Variants in FNDC1 observed in about 807,000 individuals in gnomAD.
FNDC1 encodes fibronectin type III domain containing 1.
Under a neutral mutation model 168.0 loss-of-function variants are expected in FNDC1, and 96 were observed. The ratio of observed to expected loss-of-function variants is 0.57; its 90% CI spans 0.48 to 0.68. FNDC1 has a LOEUF of 0.68. Among genes scored for constraint, FNDC1 ranks in the 30% least tolerant of loss-of-function variants. FNDC1 has a pLI of 0.00. For synonymous variants in FNDC1, 1,099 were observed against 1,025.9 expected, an observed-to-expected ratio of 1.07 and a Z score of -1.36; for missense variants, 2,587 against 2,482.1, an observed-to-expected ratio of 1.04 and a Z score of -0.90.
intron 14 of FNDC1, among the ~76,000 whole-genome samples, chr6:159,245,719 A>G (rs972952571): frequency 6.6e-6 from 1 of 151,954 alleles, no homozygotes; most frequent in South Asian, 2.1e-4. Flanking sequence ...TATGCTCATA[A>G]TATCAGTTTA....
chr6:159,270,413 A>G (rs1030566191), intron 22 of FNDC1, among the ~76,000 whole-genome samples: 3 of 152,158 alleles, frequency 2.0e-5, no homozygotes, highest in East Asian at 1.9e-4. Context: ...AAATCTACAA[A>G]CTATATCACC....
Position 159,232,046 on chromosome 6 carries a change from A to C in FNDC1, c.1534A>C (p.Lys512Gln). ...GGACCTTCTTCTTGACTTGAAGAAC[A>C]AAATATTGGCTAATGGTGGGGCGCC... ...AKDLLLDLKN[K>Q]ILANGGAPRK... The change falls in exon 11 of 23, where the codon AAA becomes CAA. Residue 512 changes from lysine to glutamine, a missense_variant. Lys to Gln is a moderately conservative substitution (Grantham distance 53, BLOSUM62 1). Transcript: ENST00000297267. This position sits in a 1 kb window ranked among gnomAD's most constrained non-coding sequence, Gnocchi z 4.9. The C allele has an allele frequency of 3.7e-6, 6 of 1,613,894 alleles. No homozygotes were observed. Among genetic ancestry groups the C allele is most frequent in the Non-Finnish European group, 5.1e-6 (6 of 1,179,846 alleles).
At position 159,229,864 on chromosome 6, in the gene FNDC1, C is replaced by T; in HGVS notation, c.1230C>T (p.Ser410=). ...CTCTCAAACCATTTGGAGCAAAGTC[C>T]CTCACCTATCCTGGAGACACTACTT... ...APALKPFGAK[S]LTYPGDTTSA... Residue 410 remains serine, a synonymous_variant, in exon 10 of 23, where the codon TCC becomes TCT. Transcript: ENST00000297267. 6.2e-7 allele frequency: 1 copy of T among 1,613,768 alleles called. No homozygotes were observed.
chr6:159,267,187 A>G (rs1265231479), intron 21 of FNDC1, among the ~76,000 whole-genome samples: 1 of 152,134 alleles, frequency 6.6e-6, no homozygotes, highest in East Asian at 1.9e-4. Context: ...ATTTCTGTGT[A>G]TATGCTTCTC....
At chr6:159,260,293 G>T (rs1777456783) in intron 18 of FNDC1, among the ~76,000 whole-genome samples, 1 of 152,176 alleles carries the variant, frequency 6.6e-6, no homozygotes. Flanking sequence ...ACACAAATGT[G>T]GTGTTGGTCT....
Position 159,200,377 on chromosome 6 carries a change from G to A in FNDC1, c.392-136G>A, listed in dbSNP as rs951990900. 5.7e-6 allele frequency: 4 copies of A among 705,978 alleles called. No homozygotes were observed. In the Admixed American group the frequency reaches 1.1e-4, roughly 20 times the overall value. The allele number at this position is 705,978 out of a possible 1,614,324, so 43.7% of individuals were successfully genotyped here. On this transcript the variant is annotated intron_variant, in intron 3 of 22. Transcript: ENST00000297267. Reference sequence around the variant, plus strand: ...ATTGTCCGTAAAGCTGAGGTGTCCAGTCACTAATATGGGCTGAGCAGATCC... The same window carrying A: ...ATTGTCCGTAAAGCTGAGGTGTCCAATCACTAATATGGGCTGAGCAGATCC...
chr6:159,169,692 G>C lies in FNDC1; in HGVS notation c.96G>C (p.Ser32=). ...LLAALLPVAS[S]AAASVDHPLK... is the part of the protein sequence containing the mutation. ...CCGCGCTGCTCCCCGTCGCCTCCTC[G>C]GCGGCGGCCTCAGGTACGCGCCGCG... The change falls in exon 1 of 23, where the codon TCG becomes TCC. Residue 32 remains serine, a synonymous_variant. Transcript: ENST00000297267. This position sits in a 1 kb window ranked among gnomAD's most constrained non-coding sequence, Gnocchi z 6.8. 1.7e-6 allele frequency: 2 copies of C among 1,160,030 alleles called. No individual in the cohort carries two copies. Among genetic ancestry groups the C allele is most frequent in the Non-Finnish European group, 2.1e-6 (2 of 941,942 alleles). 71.9% of individuals were successfully genotyped at this position (1,160,030 alleles called of 1,614,324 possible).
chr6:159,227,772 G>A (rs1464476825), intron 9 of FNDC1, among the ~76,000 whole-genome samples: 1 of 151,590 alleles, frequency 6.6e-6, no homozygotes, highest in East Asian at 1.9e-4. Context: ...AATTGTCTTG[G>A]GCCACGCATA....
chr6:159,237,503 A>G (rs2114998284), intron 12 of FNDC1, among the ~76,000 whole-genome samples: 1 of 152,352 alleles, frequency 6.6e-6, no homozygotes, highest in Non-Finnish European at 1.5e-5. Context: ...TTCAAGTTTT[A>G]CAGTTCCTTA....
intron 21 of FNDC1, among the ~76,000 whole-genome samples, 164 bp from the exon 22 acceptor site, chr6:159,267,640 G>A (rs1171113735): frequency 1.3e-5 from 2 of 152,086 alleles, no homozygotes; most frequent in African/African-American, 4.8e-5. Flanking sequence ...CAACCTTTAT[G>A]AGATTGGTGC....
intron 18 of FNDC1, among the ~76,000 whole-genome samples, chr6:159,258,208 G>A (rs553902425): frequency 2.7e-3 from 408 of 152,252 alleles, no homozygotes; most frequent in Middle Eastern, 6.8e-3. Context: ...CTTCCTGAGC[G>A]CAAGGTGGAA....
intron 5 of FNDC1, 46 bp from the exon 6 acceptor site, chr6:159,221,552 T>C: frequency 6.7e-7 from 1 of 1,484,878 alleles, no homozygotes; most frequent in South Asian, 1.1e-5. Flanking sequence ...TGTGTGTTCC[T>C]GAGAAATGGA....
At chr6:159,226,405 A>G (rs1192479073) in intron 8 of FNDC1, 68 bp from the exon 9 acceptor site, 3 of 1,207,510 alleles carry the variant, frequency 2.5e-6, no homozygotes, top group Middle Eastern at 2.4e-4. Context: ...CCTAGAGACC[A>G]TGTGCTATTT....
At chr6:159,230,044 A>C (rs1319160787) in intron 10 of FNDC1, 41 bp downstream of exon 10, 2 of 1,540,108 alleles carry the variant, frequency 1.3e-6, no homozygotes. Context: ...CTCTCTCTTC[A>C]TTCCTGCTGT....
chr6:159,220,656 T>C (rs1452512712), intron 5 of FNDC1, among the ~76,000 whole-genome samples: 1 of 152,232 alleles, frequency 6.6e-6, no homozygotes, highest in African/African-American at 2.4e-5. Flanking sequence ...TATGATTCCA[T>C]AGTAATTGAG....
chr6:159,265,442 G>T (rs558422707), intron 20 of FNDC1, among the ~76,000 whole-genome samples: 57 of 152,280 alleles, frequency 3.7e-4, no homozygotes, highest in African/African-American at 1.3e-3. Flanking sequence ...CTGGGGACAG[G>T]ATGGCATGCC....
In FNDC1 at chr6:159,263,127, C is replaced by T. The variant is rs376376685; in HGVS notation, c.5255-1848C>T. Among the ~76,000 whole-genome samples, 178 of 152,312 alleles carry T rather than the reference C, an allele frequency of 1.2e-3. 4 individuals are homozygous for T. Among genetic ancestry groups the T allele is most frequent in the African/African-American group, 4.2e-3 (174 of 41,554 alleles). ...TGGTGTCATTTTGTTTGTTTCACTC[C>T]ACCTGCCCTGGGGTATTTGGGACTT... is the stretch of plus-strand genomic sequence containing the variant. On this transcript the variant is annotated intron_variant, in intron 19 of 22. Coordinates refer to ENST00000297267, the MANE Select transcript of FNDC1 (RefSeq NM_032532.3).
chr6:159,191,326 T>C (rs551728354), intron 1 of FNDC1, among the ~76,000 whole-genome samples: 58 of 152,324 alleles, frequency 3.8e-4, no homozygotes, highest in South Asian at 1.4e-3. Context: ...GACCAGCAGT[T>C]TTGAGATCCA....
chr6:159,270,605 C>G (rs897759339), intron 22 of FNDC1, among the ~76,000 whole-genome samples: 7 of 152,110 alleles, frequency 4.6e-5, no homozygotes, highest in Admixed American at 1.3e-4. Context: ...TAAACAGGGC[C>G]AAGAGTGTGA....
Sources: gnomAD v4.1 joint callset for allele counts (sites outside exome capture counted in the v4.1 genomes callset) on GRCh38, gnomAD v4.1.1 for gene constraint, Gnocchi (gnomAD v3.1) non-coding constraint, MANE v1.5 for transcripts, NCBI Gene and HGNC (gene_info 2026-07-23, HGNC 2026-07-21) for gene names.